F13A1: variants seen among roughly 807,000 people sequenced by gnomAD.
The protein encoded by F13A1 is FSF, A subunit.
A neutral mutation model predicts 80.1 loss-of-function variants in F13A1; 47 were observed. The observed-to-expected ratio is 0.59, with a 90% CI of 0.46 to 0.75. F13A1 has a LOEUF of 0.75. F13A1 is among the 30% of genes least tolerant of loss of function. The pLI is 0.00. For missense variants in F13A1, 817 were observed against 930.4 expected, an observed-to-expected ratio of 0.88 and a Z score of 1.59; for synonymous variants, 349 against 344.9, an observed-to-expected ratio of 1.01 and a Z score of -0.13.
chr6:6,290,396 G>C (rs76956494), intron 3 of F13A1, among the ~76,000 whole-genome samples: 3,699 of 152,262 alleles, frequency 0.024, 89 homozygotes, highest in South Asian at 0.085. Context: ...TGCCTCTATA[G>C]TTCAGCATTT....
intron 2 of F13A1, among the ~76,000 whole-genome samples, chr6:6,309,066 C>G (rs1183220281): frequency 1.3e-5 from 2 of 152,132 alleles, no homozygotes; most frequent in African/African-American, 4.8e-5. Flanking sequence ...GGCTCACTGT[C>G]CCATGCTCTT....
At chr6:6,320,401 C>G (rs1758758717) in intron 1 of F13A1, among the ~76,000 whole-genome samples, 186 bp downstream of exon 1, 1 of 152,180 alleles carries the variant, frequency 6.6e-6, no homozygotes, top group South Asian at 2.1e-4. Flanking sequence ...AGAGAAGTCC[C>G]GCTTAGAAGC....
At chr6:6,187,153 A>C (rs1403589931) in intron 10 of F13A1, among the ~76,000 whole-genome samples, 2 of 124,572 alleles carry the variant, frequency 1.6e-5, no homozygotes, top group South Asian at 5.3e-4. Flanking sequence ...CTAGATATAC[A>C]ATCATGTCAT....
rs1028687385 is a variant in F13A1, at chr6:6,208,675, A to T, written c.1113-11349T>A. On this transcript the variant is annotated intron_variant, in intron 8 of 14. Coordinates refer to ENST00000264870, the MANE Select transcript of F13A1 (RefSeq NM_000129.4). Reference sequence around the variant, plus strand: ...ACTTTTTTTCTTTTTCAAATCTCAGACCTGAGTGAAACAAAGAATCTTTAA... The same window carrying T: ...ACTTTTTTTCTTTTTCAAATCTCAGTCCTGAGTGAAACAAAGAATCTTTAA... Among the ~76,000 whole-genome samples the T allele has an allele frequency of 6.6e-5, 10 of 152,168 alleles. 1 individual carries two copies. Among genetic ancestry groups the T allele is most frequent in the Admixed American group, 5.9e-4 (9 of 15,274 alleles).
chr6:6,281,259 A>C (rs1758055994), intron 3 of F13A1, among the ~76,000 whole-genome samples: 1 of 152,138 alleles, frequency 6.6e-6, no homozygotes, highest in African/African-American at 2.4e-5. Context: ...ATAGAATTTC[A>C]CTCATTGCAT....
At chr6:6,153,796 T>A (rs961230234) in intron 13 of F13A1, among the ~76,000 whole-genome samples, 2 of 152,164 alleles carry the variant, frequency 1.3e-5, no homozygotes, top group Non-Finnish European at 2.9e-5. Context: ...CTGACAACCA[T>A]AATTCACATA....
intron 6 of F13A1, among the ~76,000 whole-genome samples, chr6:6,233,082 G>A (rs1038307861): frequency 4.0e-5 from 6 of 151,468 alleles, no homozygotes; most frequent in African/African-American, 7.3e-5. Context: ...TAACCCAGCA[G>A]GAGAAAAGAA....
At chr6:6,245,412 T>C (rs1409670661) in intron 6 of F13A1, among the ~76,000 whole-genome samples, 1 of 152,098 alleles carries the variant, frequency 6.6e-6, no homozygotes, top group Non-Finnish European at 1.5e-5. Context: ...TCAGTAGAGA[T>C]AGGGTTTCTC....
chr6:6,276,689 G>A (rs756510758), intron 3 of F13A1, among the ~76,000 whole-genome samples: 21 of 152,166 alleles, frequency 1.4e-4, no homozygotes, highest in Non-Finnish European at 2.1e-4. Flanking sequence ...TGACTGGGGA[G>A]GCTAATGAAC....
intron 4 of F13A1, among the ~76,000 whole-genome samples, chr6:6,252,891 G>C (rs1280422936): frequency 1.3e-5 from 2 of 152,132 alleles, no homozygotes; most frequent in African/African-American, 4.8e-5. Context: ...GGGCGTGGTG[G>C]CTCATGCTTG....
intron 3 of F13A1, among the ~76,000 whole-genome samples, chr6:6,268,045 A>G (rs1757869644): frequency 6.6e-6 from 1 of 152,268 alleles, no homozygotes; most frequent in African/African-American, 2.4e-5. Context: ...TTATACAAAA[A>G]TAGTAAAGCA....
At chr6:6,240,232 T>C (rs1757467598) in intron 6 of F13A1, among the ~76,000 whole-genome samples, 1 of 152,056 alleles carries the variant, frequency 6.6e-6, no homozygotes, top group Non-Finnish European at 1.5e-5. Flanking sequence ...TCTCCAAAAA[T>C]ATGGGGTGAA....
chr6:6,298,801 C>T (rs1363909682), intron 3 of F13A1, among the ~76,000 whole-genome samples: 6 of 149,390 alleles, frequency 4.0e-5, no homozygotes, highest in African/African-American at 1.5e-4. Flanking sequence ...ATGATGTTAG[C>T]TGGTGATTTT....
At chr6:6,290,426 C>G (rs1040122487) in intron 3 of F13A1, among the ~76,000 whole-genome samples, 1 of 152,040 alleles carries the variant, frequency 6.6e-6, no homozygotes, top group Non-Finnish European at 1.5e-5. Flanking sequence ...AGTTCTGCAC[C>G]TTATTCAATG....
chr6:6,150,496 C>A (rs1241311456), intron 14 of F13A1, among the ~76,000 whole-genome samples: 2 of 152,160 alleles, frequency 1.3e-5, no homozygotes, highest in Non-Finnish European at 2.9e-5. Flanking sequence ...TGATGAGATG[C>A]AGAAGCTACG....
At position 6,243,698 on chromosome 6, in the gene F13A1, G is replaced by C. The variant is rs1286946958; in HGVS notation, c.798+4614C>G. On this transcript the variant is annotated intron_variant, in intron 6 of 14. Transcript: ENST00000264870. The surrounding 1 kb of genome is among the most constrained non-coding windows in gnomAD (Gnocchi z 4.2). Reference sequence around the variant, plus strand: ...ATTTGCTGTGTGACTTTGAGTGAGGGACACCACTTCCAAGGGCTTCTGCTT... The same window carrying C: ...ATTTGCTGTGTGACTTTGAGTGAGGCACACCACTTCCAAGGGCTTCTGCTT... Among the ~76,000 whole-genome samples, 1 of 152,148 alleles carries C rather than the reference G, an allele frequency of 6.6e-6. No individual in the cohort carries two copies. The highest frequency in any genetic ancestry group is 1.5e-5 in the Non-Finnish European group (1 of 68,038).
rs1405563245 is a variant in F13A1 at position 6,215,365 on chromosome 6, G to C, written c.1112+6668C>G. On this transcript the variant is annotated intron_variant, in intron 8 of 14. Transcript: ENST00000264870. ...GTGGGCTTCATCCCTGGGATGCAAGGCTGGTTCAATATACGGAAATCAATA... is the reference window on the plus strand; with the variant it reads ...GTGGGCTTCATCCCTGGGATGCAAGCCTGGTTCAATATACGGAAATCAATA... 2.1e-5 allele frequency among the ~76,000 whole-genome samples: 2 copies of C among 95,526 alleles called. 1 individual carries two copies. The highest frequency in any genetic ancestry group is 4.2e-5 in the Non-Finnish European group (2 of 47,924). The allele number at this position is 95,526 out of a possible 152,430, so 62.7% of individuals were successfully genotyped here. A position where few individuals can be genotyped will look rare whatever the true frequency, so the allele number is the denominator to read the frequency against.
intron 13 of F13A1, among the ~76,000 whole-genome samples, chr6:6,153,596 T>G (rs75729974): frequency 0.13 from 19,484 of 152,102 alleles, 1,416 homozygotes; most frequent in Middle Eastern, 0.17. Context: ...GAGAGCTGGA[T>G]TCAGGGGAAC....
intron 8 of F13A1, among the ~76,000 whole-genome samples, chr6:6,221,262 G>A (rs1430983838): frequency 1.3e-5 from 2 of 152,086 alleles, no homozygotes; most frequent in Non-Finnish European, 2.9e-5. Flanking sequence ...AGGAAAAATG[G>A]AATTTCCCTG....
Sources: allele counts gnomAD v4.1 joint callset (sites outside exome capture counted in the v4.1 genomes callset), GRCh38; gene constraint gnomAD v4.1.1; non-coding constraint Gnocchi (gnomAD v3.1); transcripts MANE v1.5; gene names NCBI Gene and HGNC (gene_info 2026-07-23, HGNC 2026-07-21).